The following SORCS2 variants were observed in gnomAD, a reference collection of about 807,000 sequenced individuals.
SORCS2 encodes the protein VPS10 domain-containing receptor SorCS2.
Under a neutral mutation model 141.6 loss-of-function variants are expected in SORCS2, and 100 were observed. The ratio of observed to expected loss-of-function variants is 0.71; its 90% CI spans 0.60 to 0.83. The LOEUF (loss-of-function observed/expected upper bound fraction) is 0.83. Among genes scored for constraint, SORCS2 ranks in the 40% least tolerant of loss-of-function variants. SORCS2 has a pLI of 0.00. For missense variants in SORCS2, 1,646 were observed against 1,560.2 expected (o/e 1.05, Z -0.93); for synonymous variants, 789 against 676.9 (o/e 1.17, Z -2.57).
At chr4:7,684,673 G>C (rs1209923151) in intron 10 of SORCS2, among the ~76,000 whole-genome samples, 1 of 152,240 alleles carries the variant, frequency 6.6e-6, no homozygotes, top group Non-Finnish European at 1.5e-5. Flanking sequence ...TTTATATTCA[G>C]CAAATCTGCG....
chr4:7,346,643 A>G (rs1720667798), intron 1 of SORCS2, among the ~76,000 whole-genome samples: 1 of 152,254 alleles, frequency 6.6e-6, no homozygotes, highest in Non-Finnish European at 1.5e-5. Flanking sequence ...TGAAGTCTTC[A>G]ACTGCAGATG....
chr4:7,277,392 T>TTG (rs1373996546), intron 1 of SORCS2, among the ~76,000 whole-genome samples: 5 of 151,938 alleles, frequency 3.3e-5, no homozygotes, highest in Admixed American at 6.6e-5. Context: ...ATGAGTGTGT[T>TTG]TGTGTGTGTG....
chr4:7,723,387 C>G (rs1200356726), intron 18 of SORCS2, among the ~76,000 whole-genome samples: 1 of 152,114 alleles, frequency 6.6e-6, no homozygotes, highest in Non-Finnish European at 1.5e-5. Context: ...GCCCTGACTG[C>G]CCCCCAGCTG....
intron 2 of SORCS2, among the ~76,000 whole-genome samples, chr4:7,467,199 G>A (rs539129403): frequency 1.3e-5 from 2 of 152,320 alleles, no homozygotes; most frequent in Admixed American, 1.3e-4. Context: ...AGCAAGGCCT[G>A]TGTGCTGCTG....
intron 2 of SORCS2, among the ~76,000 whole-genome samples, chr4:7,437,526 G>A (rs1208062206): frequency 2.0e-5 from 3 of 152,216 alleles, no homozygotes; most frequent in South Asian, 2.1e-4. Flanking sequence ...TCCAGTCCTC[G>A]AATGGCTTGG....
chr4:7,350,565 G>A (rs1577431768), intron 1 of SORCS2, among the ~76,000 whole-genome samples: 1 of 152,202 alleles, frequency 6.6e-6, no homozygotes, highest in Admixed American at 6.5e-5. Flanking sequence ...GCTGGCTGCT[G>A]GGGGGACCCA....
intron 2 of SORCS2, among the ~76,000 whole-genome samples, chr4:7,453,173 AG>A (rs1728596429): frequency 8.8e-6 from 1 of 113,054 alleles, no homozygotes; most frequent in Non-Finnish European, 1.7e-5. Context: ...TGTTGGGGTC[AG>A]GCTCTGTGTT....
At chr4:7,464,660 C>G (rs773909727) in intron 2 of SORCS2, among the ~76,000 whole-genome samples, 9 of 152,244 alleles carry the variant, frequency 5.9e-5, no homozygotes, top group Non-Finnish European at 1.0e-4. Flanking sequence ...GGCTGCTGTA[C>G]TTTTGGGGAT....
chr4:7,649,104 C>G (rs1266902086), intron 4 of SORCS2, among the ~76,000 whole-genome samples: 1 of 152,300 alleles, frequency 6.6e-6, no homozygotes, highest in South Asian at 2.1e-4. Context: ...TTTGCAATAG[C>G]AGGGGCAGGG....
rs1001361711 is a variant in SORCS2 at position 7,733,366 on chromosome 4, C to T, written c.3153C>T (p.Ser1051=). The T allele has an allele frequency of 1.3e-6, 2 of 1,584,380 alleles. 1 individual carries two copies. Among genetic ancestry groups the T allele is most frequent in the South Asian group, 2.3e-5 (2 of 86,236 alleles). The change falls in exon 24 of 27, where the codon AGC becomes AGT. Residue 1051 remains serine, a synonymous_variant. Coordinates refer to ENST00000507866, the MANE Select transcript of SORCS2 (RefSeq NM_020777.3). ...AGGTGCTGAACGCACAGAAGATCAGCTTCCTCCTGCGAGGCGGAGTCCGGG... is the reference window on the plus strand; with the variant it reads ...AGGTGCTGAACGCACAGAAGATCAGTTTCCTCCTGCGAGGCGGAGTCCGGG... The part of the protein sequence containing the change: ...IQQVLNAQKI[S]FLLRGGVRVL...
chr4:7,462,165 G>A (rs114648546), intron 2 of SORCS2, among the ~76,000 whole-genome samples: 179 of 152,346 alleles, frequency 1.2e-3, no homozygotes, highest in East Asian at 3.7e-3. Context: ...GTGGGGAGAC[G>A]AGCTGACATT....
intron 1 of SORCS2, among the ~76,000 whole-genome samples, chr4:7,207,839 G>A (rs1205161901): frequency 6.6e-6 from 1 of 152,194 alleles, no homozygotes; most frequent in Non-Finnish European, 1.5e-5. Context: ...TTGACATCTG[G>A]TTTTTCACAA....
At position 7,386,381 on chromosome 4, in the gene SORCS2, A is replaced by G. The variant is rs930061340; in HGVS notation, c.481-9907A>G. ...CACACAGATACACAGAAATACATGC[A>G]CACACACATGGACATACACATATGT... On this transcript the variant is annotated intron_variant, in intron 1 of 26. Transcript: ENST00000507866. 6.5e-5 allele frequency among the ~76,000 whole-genome samples: 8 copies of G among 123,504 alleles called. 3 individuals are homozygous for G. The highest frequency in any genetic ancestry group is 5.2e-4 in the East Asian group (2 of 3,836). 81.0% of individuals were successfully genotyped at this position (123,504 alleles called of 152,430 possible). A position where few individuals can be genotyped will look rare whatever the true frequency, so the allele number is the denominator to read the frequency against.
intron 23 of SORCS2, among the ~76,000 whole-genome samples, chr4:7,730,491 T>C (rs1242468846): frequency 2.6e-5 from 4 of 152,192 alleles, no homozygotes; most frequent in Admixed American, 2.0e-4. Flanking sequence ...AGCCAAAAAG[T>C]GCTCATCGGC....
At chr4:7,392,901 G>A (rs964689957) in intron 1 of SORCS2, among the ~76,000 whole-genome samples, 4 of 58,892 alleles carry the variant, frequency 6.8e-5, no homozygotes, top group African/African-American at 3.7e-4. Context: ...TCCCAGTCGG[G>A]GGGGGGGGGG....
chr4:7,400,431 G>A (rs1180209542), intron 2 of SORCS2, among the ~76,000 whole-genome samples: 1 of 151,916 alleles, frequency 6.6e-6, no homozygotes, highest in African/African-American at 2.4e-5. Flanking sequence ...CTCTCTCATT[G>A]AAATGTGGGA....
At chr4:7,541,302 G>T (rs1166531710) in intron 3 of SORCS2, among the ~76,000 whole-genome samples, 1 of 152,202 alleles carries the variant, frequency 6.6e-6, no homozygotes, top group African/African-American at 2.4e-5. Context: ...AGGGTGCCTC[G>T]TGGGACCCCA....
At chr4:7,257,868 G>A (rs1436609540) in intron 1 of SORCS2, among the ~76,000 whole-genome samples, 1 of 152,214 alleles carries the variant, frequency 6.6e-6, no homozygotes, top group African/African-American at 2.4e-5. Context: ...GCGCCGACAG[G>A]AGATGGGAGG....
chr4:7,569,114 G>A lies in SORCS2; in HGVS notation c.648+37485G>A, dbSNP rs192968460. On this transcript the variant is annotated intron_variant, in intron 3 of 26. Transcript: ENST00000507866. ...CTTCCATTTCCAGGGTGTTTTCCAGGACTGTGCCATTGCTGTTGCCCAGCT... is the reference window on the plus strand; with the variant it reads ...CTTCCATTTCCAGGGTGTTTTCCAGAACTGTGCCATTGCTGTTGCCCAGCT... Among the ~76,000 whole-genome samples, 509 of 152,312 alleles carry A rather than the reference G, an allele frequency of 3.3e-3. 2 individuals carry two copies. The highest frequency in any genetic ancestry group is 5.8e-3 in the Non-Finnish European group (392 of 68,038).
Sources: allele counts gnomAD v4.1 joint callset (sites outside exome capture counted in the v4.1 genomes callset), GRCh38; gene constraint gnomAD v4.1.1; transcripts MANE v1.5; gene names NCBI Gene and HGNC (gene_info 2026-07-23, HGNC 2026-07-21).